PAK5: variants seen among roughly 807,000 people sequenced by gnomAD.
PAK5 encodes the protein serine/threonine-protein kinase PAK 5.
A neutral mutation model predicts 65.9 loss-of-function variants in PAK5; 16 were observed. That is an observed-to-expected ratio of 0.24 (90% CI 0.16 to 0.37). The LOEUF (loss-of-function observed/expected upper bound fraction) is 0.37, where lower values mean the gene tolerates loss of function less well. Among genes scored for constraint, PAK5 ranks in the 10% least tolerant of loss-of-function variants. The pLI is 1.00. For missense variants in PAK5, 785 were observed against 903.9 expected (o/e 0.87, Z 1.69); for synonymous variants, 371 against 354.9 (o/e 1.05, Z -0.51).
intron 2 of PAK5, among the ~76,000 whole-genome samples, chr20:9,681,961 G>T (rs1808211408): frequency 6.6e-6 from 1 of 152,190 alleles, no homozygotes; most frequent in Admixed American, 6.5e-5. Context: ...AGAACCTAAA[G>T]ATGTAATTCT....
At chr20:9,720,629 G>A (rs926286446) in intron 1 of PAK5, among the ~76,000 whole-genome samples, 7 of 151,982 alleles carry the variant, frequency 4.6e-5, no homozygotes, top group Admixed American at 1.3e-4. Context: ...CTGAAAACAG[G>A]CACTGAACAG....
intron 3 of PAK5, among the ~76,000 whole-genome samples, chr20:9,592,832 CTG>C (rs911893308): frequency 9.2e-5 from 14 of 152,246 alleles, no homozygotes; most frequent in Non-Finnish European, 1.6e-4. Flanking sequence ...AGGTCAAAGA[CTG>C]AAAGTCTAAG....
chr20:9,661,294 A>C (rs542426808), intron 2 of PAK5, among the ~76,000 whole-genome samples: 8 of 152,244 alleles, frequency 5.3e-5, no homozygotes, highest in African/African-American at 1.9e-4. Flanking sequence ...TGACATGCTG[A>C]ACTGAAGAAG....
chr20:9,712,947 A>T (rs1305689497), intron 1 of PAK5, among the ~76,000 whole-genome samples: 1 of 152,184 alleles, frequency 6.6e-6, no homozygotes, highest in East Asian at 1.9e-4. Context: ...ATTACAAGAC[A>T]TTGGTCTAGG....
chr20:9,586,829 T>A (rs1469344449), intron 3 of PAK5, among the ~76,000 whole-genome samples: 1 of 152,172 alleles, frequency 6.6e-6, no homozygotes, highest in African/African-American at 2.4e-5. Flanking sequence ...AATACTGCTA[T>A]AAGCTAAATG....
At chr20:9,834,475 A>G (rs956010961) in intron 1 of PAK5, among the ~76,000 whole-genome samples, 1 of 152,194 alleles carries the variant, frequency 6.6e-6, no homozygotes, top group Non-Finnish European at 1.5e-5. Context: ...CTCCTAATTT[A>G]CCTCCAGAGA....
chr20:9,546,013 G>T (rs912215798), intron 7 of PAK5, among the ~76,000 whole-genome samples: 2 of 152,098 alleles, frequency 1.3e-5, no homozygotes, highest in Non-Finnish European at 2.9e-5. Context: ...TGCATAAATT[G>T]ATGAACCTCA....
rs2049050409 is a variant in PAK5 at position 9,791,559 on chromosome 20, G to A, written c.-162+47203C>T. On this transcript the variant is annotated intron_variant, in intron 1 of 9. Coordinates refer to ENST00000353224, the MANE Select transcript of PAK5 (RefSeq NM_177990.4). Reference sequence around the variant, plus strand: ...CTCTGATGACTTTTCTCTGACCACTGAGTCCTTCTTTTCCCACCTGTGCAT... The same window carrying A: ...CTCTGATGACTTTTCTCTGACCACTAAGTCCTTCTTTTCCCACCTGTGCAT... Among the ~76,000 whole-genome samples the A allele has an allele frequency of 2.0e-5, 3 of 152,004 alleles. 1 individual carries two copies. The South Asian group carries it at 6.2e-4, about 32-fold the overall frequency.
intron 6 of PAK5, among the ~76,000 whole-genome samples, chr20:9,562,076 T>G (rs1453418219): frequency 6.6e-6 from 1 of 152,190 alleles, no homozygotes. Context: ...ACTTGCCTTC[T>G]TAGTGAACTC....
Position 9,580,286 on chromosome 20 carries a change from C to T in PAK5, c.849G>A (p.Arg283=), listed in dbSNP as rs779437906. ...LNQTSPQPTM[R]QRSRSGSGLQ... Reference sequence around the variant, plus strand: ...GTCCCGAGCCTGACCTGGACCTCTGCCGCATGGTGGGCTGAGGGCTTGTCT... The same window carrying T: ...GTCCCGAGCCTGACCTGGACCTCTGTCGCATGGTGGGCTGAGGGCTTGTCT... Residue 283 remains arginine (R), a synonymous_variant, in exon 4 of 10, where the codon CGG becomes CGA. Transcript: ENST00000353224. 11 of 1,614,140 alleles carry T rather than the reference C, an allele frequency of 6.8e-6. No individual in the cohort carries two copies. The highest frequency in any genetic ancestry group is 2.2e-5 in the South Asian group (2 of 91,086).
chr20:9,618,531 C>T (rs150827366), intron 3 of PAK5, among the ~76,000 whole-genome samples: 18 of 151,714 alleles, frequency 1.2e-4, no homozygotes, highest in Non-Finnish European at 2.4e-4. Flanking sequence ...CACAGCCTCC[C>T]GAGTAGCTGA....
intron 3 of PAK5, among the ~76,000 whole-genome samples, chr20:9,618,915 GTTTTTTTTTTTTTT>G (rs150725498): frequency 1.2e-3 from 23 of 18,842 alleles, no homozygotes; most frequent in South Asian, 5.6e-3. Flanking sequence ...TCTTTCTTTC[GTTTTTTTTTTTTTT>G]TTTTTTTTTT....
intron 1 of PAK5, among the ~76,000 whole-genome samples, chr20:9,724,281 C>A (rs2048251016): frequency 6.6e-6 from 1 of 152,130 alleles, no homozygotes; most frequent in Admixed American, 6.5e-5. Context: ...TGAGAAACTT[C>A]TCTCAAGTGT....
chr20:9,619,750 C>T (rs1484046100), intron 3 of PAK5, among the ~76,000 whole-genome samples: 1 of 152,204 alleles, frequency 6.6e-6, no homozygotes, highest in Non-Finnish European at 1.5e-5. Context: ...ATTAATTCCC[C>T]TGCTGTGGGA....
At chr20:9,649,091 A>T (rs985670078) in intron 2 of PAK5, among the ~76,000 whole-genome samples, 4 of 152,200 alleles carry the variant, frequency 2.6e-5, no homozygotes, top group Non-Finnish European at 5.9e-5. Context: ...TAGGTTTAGA[A>T]GTAGGCAATT....
At chr20:9,558,081 G>C (rs1164581741) in intron 6 of PAK5, among the ~76,000 whole-genome samples, 1 of 116,962 alleles carries the variant, frequency 8.5e-6, no homozygotes, top group Non-Finnish European at 1.7e-5. Flanking sequence ...CTTTGAGATG[G>C]AGTCCCGCTC....
intron 1 of PAK5, among the ~76,000 whole-genome samples, chr20:9,752,725 G>A (rs552375746): frequency 6.6e-6 from 1 of 152,088 alleles, no homozygotes; most frequent in Non-Finnish European, 1.5e-5. Context: ...TCAGCGTGAG[G>A]CAGACTGTAA....
At chr20:9,645,406 A>G (rs1169044053) in intron 2 of PAK5, among the ~76,000 whole-genome samples, 1 of 152,222 alleles carries the variant, frequency 6.6e-6, no homozygotes, top group Non-Finnish European at 1.5e-5. Flanking sequence ...GTGATCCCAG[A>G]TAATTGCTTT....
Position 9,537,749 on chromosome 20 carries a change from T to A in PAK5, c.*1713A>T. ...TTCTCACATATTTATATTAATGCTTTAATATTTTACATAAAACATTGATTT... is the reference window on the plus strand; with the variant it reads ...TTCTCACATATTTATATTAATGCTTAAATATTTTACATAAAACATTGATTT... On this transcript the variant is annotated 3_prime_UTR_variant, in exon 10 of 10. Transcript: ENST00000353224. 4.5e-6 allele frequency: 1 copy of A among 221,018 alleles called. No homozygotes were observed. Among genetic ancestry groups the A allele is most frequent in the Non-Finnish European group, 9.0e-6 (1 of 110,518 alleles). 13.7% of individuals were successfully genotyped at this position (221,018 alleles called of 1,614,324 possible). A position where few individuals can be genotyped will look rare whatever the true frequency, so the allele number is the denominator to read the frequency against.
Sources: allele counts gnomAD v4.1 joint callset (sites outside exome capture counted in the v4.1 genomes callset), GRCh38; gene constraint gnomAD v4.1.1; transcripts MANE v1.5; gene names NCBI Gene and HGNC (gene_info 2026-07-23, HGNC 2026-07-21).